The following DMXL1 variants were observed in gnomAD, a reference collection of about 807,000 sequenced individuals.
DMXL1 encodes Dmx like 1.
In DMXL1, 99 loss-of-function variants were observed where a neutral mutation model predicts 319.2. The ratio of observed to expected loss-of-function variants is 0.31; its 90% CI spans 0.26 to 0.37. The LOEUF (loss-of-function observed/expected upper bound fraction) is 0.37, where lower values mean the gene tolerates loss of function less well. Among genes scored for constraint, DMXL1 ranks in the 10% least tolerant of loss-of-function variants. DMXL1 has a pLI of 1.00. For missense variants in DMXL1, 3,745 were observed against 3,595.6 expected (o/e 1.04, Z -1.06); for synonymous variants, 1,385 against 1,235.2 (o/e 1.12, Z -2.54).
In DMXL1 at chr5:119,149,977, A is replaced by G; in HGVS notation, c.4150A>G (p.Arg1384Gly). The change falls in exon 18 of 44, where the codon AGA becomes GGA. Residue 1384 changes from arginine to glycine, a missense_variant. Around this residue, in one of 4 missense-constraint regions of DMXL1, gnomAD observed 2,096 missense variants for 1,985.4 expected, o/e 1.06. Coordinates refer to ENST00000539542, the MANE Select transcript of DMXL1 (RefSeq NM_001290321.3). Reference sequence around the variant, plus strand: ...AATCAGTGCTAGTGGAAGCACTACCAGAGACCCCCAGGCATTCAACAAGGC... The same window carrying G: ...AATCAGTGCTAGTGGAAGCACTACCGGAGACCCCCAGGCATTCAACAAGGC... ...LTISASGSTT[R>G]DPQAFNKAEN... is the part of the protein sequence containing the mutation. The G allele has an allele frequency of 6.2e-7, 1 of 1,613,912 alleles. No individual in the cohort carries two copies. Among genetic ancestry groups the G allele is most frequent in the Non-Finnish European group, 8.5e-7 (1 of 1,179,882 alleles).
intron 15 of DMXL1, among the ~76,000 whole-genome samples, chr5:119,144,891 A>G (rs1236575207): frequency 6.6e-6 from 1 of 151,770 alleles, no homozygotes; most frequent in Admixed American, 6.6e-5. Flanking sequence ...TTATTAACAT[A>G]TGAGAGCTTT....
At chr5:119,074,728 C>G (rs1472449741) in intron 1 of DMXL1, among the ~76,000 whole-genome samples, 1 of 152,200 alleles carries the variant, frequency 6.6e-6, no homozygotes, top group African/African-American at 2.4e-5. Flanking sequence ...AGAGCACTTT[C>G]TTTGCATCTT....
intron 13 of DMXL1, among the ~76,000 whole-genome samples, chr5:119,139,311 C>T (rs1421701460): frequency 6.6e-6 from 1 of 152,096 alleles, no homozygotes; most frequent in Non-Finnish European, 1.5e-5. Context: ...AGGCTTAATG[C>T]CCCACGTAAA....
At chr5:119,169,309 A>G (rs1023242870) in intron 23 of DMXL1, among the ~76,000 whole-genome samples, 2 of 152,246 alleles carry the variant, frequency 1.3e-5, no homozygotes, top group Non-Finnish European at 2.9e-5. Flanking sequence ...AAAAAATAAT[A>G]GCGGCTTGGA....
intron 28 of DMXL1, among the ~76,000 whole-genome samples, chr5:119,185,115 G>C (rs1777477743): frequency 6.6e-6 from 1 of 151,616 alleles, no homozygotes; most frequent in Admixed American, 6.6e-5. Flanking sequence ...TCTTTCCTCT[G>C]CTTTCACCTC....
chr5:119,199,990 A>G (rs1445438236), intron 32 of DMXL1, among the ~76,000 whole-genome samples: 1 of 152,110 alleles, frequency 6.6e-6, no homozygotes, highest in Non-Finnish European at 1.5e-5. Flanking sequence ...TTTATCAGGT[A>G]CATAGAAAGT....
Position 119,170,971 on chromosome 5 carries a change from C to G in DMXL1, c.6180C>G (p.Tyr2060Ter). ...GTGGAAAATTGCGTTACCAACTATA[C>G]CACTGGCTTGAAAAAGAGGTGATAG... ...IDGGKLRYQL[Y>*]HWLEKEVIAL... Residue 2060 changes from tyrosine to a stop codon, truncating the protein, a stop_gained, in exon 24 of 44, where the codon TAC (tyrosine) becomes TAG (stop). Coordinates refer to ENST00000539542, the MANE Select transcript of DMXL1 (RefSeq NM_001290321.3). LOFTEE classifies it high-confidence loss of function. 6.2e-7 allele frequency: 1 copy of G among 1,613,782 alleles called. No homozygotes were observed. The highest frequency in any genetic ancestry group is 8.5e-7 in the Non-Finnish European group (1 of 1,179,878).
At chr5:119,074,825 A>G (rs988646584) in intron 1 of DMXL1, among the ~76,000 whole-genome samples, 1 of 152,234 alleles carries the variant, frequency 6.6e-6, no homozygotes, top group African/African-American at 2.4e-5. Context: ...CAGTGATTGA[A>G]AGAGTGTTTA....
intron 20 of DMXL1, among the ~76,000 whole-genome samples, 154 bp from the exon 21 acceptor site, chr5:119,165,029 T>C (rs1212668976): frequency 4.6e-5 from 7 of 152,082 alleles, no homozygotes; most frequent in African/African-American, 1.7e-4. Context: ...GTCACTTTTG[T>C]TATTATTTTA....
chr5:119,074,371 G>A (rs1322808457), intron 1 of DMXL1, among the ~76,000 whole-genome samples: 1 of 152,192 alleles, frequency 6.6e-6, no homozygotes, highest in Non-Finnish European at 1.5e-5. Context: ...AGTTCCCCTT[G>A]AAAAATTCTT....
At chr5:119,110,584 T>C (rs571231611) in intron 5 of DMXL1, among the ~76,000 whole-genome samples, 82 of 152,338 alleles carry the variant, frequency 5.4e-4, no homozygotes, top group South Asian at 2.1e-3. Context: ...ATGGAAGACT[T>C]CCTATTCTGA....
At chr5:119,207,280 A>T (rs1011595444) in intron 34 of DMXL1, among the ~76,000 whole-genome samples, 11 of 152,166 alleles carry the variant, frequency 7.2e-5, no homozygotes, top group Non-Finnish European at 1.6e-4. Flanking sequence ...GGAATTAATG[A>T]TATTAAAATT....
At chr5:119,112,019 GGTGT>G in intron 5 of DMXL1, among the ~76,000 whole-genome samples, 1 of 152,048 alleles carries the variant, frequency 6.6e-6, no homozygotes, top group Non-Finnish European at 1.5e-5. Context: ...GGAATGCAGT[GGTGT>G]GATCTCAGCT....
chr5:119,211,648 C>T (rs1454589136), intron 34 of DMXL1, among the ~76,000 whole-genome samples: 1 of 152,170 alleles, frequency 6.6e-6, no homozygotes, highest in Non-Finnish European at 1.5e-5. Context: ...TTATGTTCAC[C>T]TGATTGCTTC....
chr5:119,110,398 C>A, intron 5 of DMXL1, 115 bp downstream of exon 5: 3 of 914,096 alleles, frequency 3.3e-6, no homozygotes, highest in Non-Finnish European at 4.7e-6. Context: ...GATTTTTAGT[C>A]TATGATATGC....
chr5:119,091,747 C>T (rs1039361056), intron 1 of DMXL1, among the ~76,000 whole-genome samples: 3 of 152,128 alleles, frequency 2.0e-5, no homozygotes, highest in Non-Finnish European at 4.4e-5. Context: ...GGTATCTCAG[C>T]AGAGGGGGAA....
intron 31 of DMXL1, among the ~76,000 whole-genome samples, chr5:119,196,791 G>T (rs934302467): frequency 6.6e-6 from 1 of 152,088 alleles, no homozygotes; most frequent in Non-Finnish European, 1.5e-5. Flanking sequence ...AACTTCAAAG[G>T]AGGAAAAGAT....
rs943412091 is a variant in DMXL1 at position 119,189,721 on chromosome 5, TGAAGAA to T, written c.7151_7156del (p.Glu2384_Glu2385del). On this transcript the variant is annotated inframe_deletion, in exon 29 of 44. Coordinates refer to ENST00000539542, the MANE Select transcript of DMXL1 (RefSeq NM_001290321.3). ...TCTTTTTGTTAGTTTCTTCACTAGT[TGAAGAA>T]GGAGAAAAACAGAACAAACGTTTTA... The T allele has an allele frequency of 6.8e-6, 11 of 1,613,834 alleles. No homozygotes were observed. In the African/African-American group the frequency reaches 1.1e-4, roughly 16 times the overall value.
chr5:119,149,225 C>A lies in DMXL1; in HGVS notation c.3398C>A (p.Thr1133Lys), dbSNP rs145395955. The stretch of plus-strand genomic sequence containing the variant: ...TATTTATCTAGTAAAGAGAATATCA[C>A]ATCAAACACAAAGCATTTAGTTCAC... ...DMYLSSKENI[T>K]SNTKHLVHLD... The change falls in exon 18 of 44, where the codon ACA becomes AAA. Residue 1133 changes from threonine to lysine, a missense_variant. Physicochemically the swap from Thr to Lys is moderately conservative, Grantham distance 78 (BLOSUM62 -1). This residue lies in a region of DMXL1 where 2,096 missense variants were observed against 1,985.4 expected (regional missense o/e 1.06). Coordinates refer to ENST00000539542, the MANE Select transcript of DMXL1 (RefSeq NM_001290321.3). 2.3e-4 allele frequency: 374 copies of A among 1,613,892 alleles called. No homozygotes were observed. Among genetic ancestry groups the A allele is most frequent in the Non-Finnish European group, 8.5e-5 (100 of 1,179,860 alleles).
Sources: gnomAD v4.1 joint callset for allele counts (sites outside exome capture counted in the v4.1 genomes callset) on GRCh38, gnomAD v4.1.1 for gene constraint, gnomAD v4.1.1 regional missense constraint, MANE v1.5 for transcripts, NCBI Gene and HGNC (gene_info 2026-07-23, HGNC 2026-07-21) for gene names.